Variants in MMP28 observed in about 807,000 individuals in gnomAD.
The protein encoded by MMP28 is matrix metalloproteinase-28.
A neutral mutation model predicts 60.5 loss-of-function variants in MMP28; 55 were observed. The observed-to-expected ratio is 0.91, with a 90% confidence interval of 0.73 to 1.14. MMP28 has a LOEUF of 1.14. Among genes scored for constraint, MMP28 ranks in the 50% most tolerant of loss-of-function variants. The pLI, the probability that MMP28 is intolerant of heterozygous loss-of-function variation, is 0.00. For missense variants in MMP28, 686 were observed against 738.3 expected, an observed-to-expected ratio of 0.93 and a Z score of 0.82; for synonymous variants, 318 against 312.5, an observed-to-expected ratio of 1.02 and a Z score of -0.18.
intron 2 of MMP28, 30 bp from the exon 3 acceptor site, chr17:35,779,105 G>T: frequency 6.2e-7 from 1 of 1,607,146 alleles, no homozygotes; most frequent in Non-Finnish European, 8.5e-7. Flanking sequence ...GCAAGGGGAG[G>T]GTGAGTGGTA....
At chr17:35,757,015 T>G (rs1555600614) in intron 2 of MMP28, among the ~76,000 whole-genome samples, 1 of 151,718 alleles carries the variant, frequency 6.6e-6, no homozygotes, top group African/African-American at 2.4e-5. Flanking sequence ...CTGGGCAACA[T>G]GGTGAAATCC....
At chr17:35,761,082 T>A, downstream of MMP28, 2 of 909,384 alleles carry the variant, frequency 2.2e-6, no homozygotes, top group Non-Finnish European at 3.2e-6. Flanking sequence ...GCAAGCCCTC[T>A]CCTTTCGCCT....
At chr17:35,773,653 G>A (rs911838451) in intron 3 of MMP28, among the ~76,000 whole-genome samples, 4 of 152,222 alleles carry the variant, frequency 2.6e-5, no homozygotes, top group African/African-American at 9.6e-5. Flanking sequence ...GGACTGTGGA[G>A]GTCCCAGTGT....
At chr17:35,775,431 C>G (rs937458456) in intron 3 of MMP28, among the ~76,000 whole-genome samples, 3 of 152,168 alleles carry the variant, frequency 2.0e-5, no homozygotes, top group African/African-American at 7.2e-5. Context: ...TCCCTGACAC[C>G]CTTGCTCCAA....
downstream of MMP28, chr17:35,764,823 A>C (rs587705876): frequency 1.9e-4 from 104 of 537,958 alleles, no homozygotes; most frequent in African/African-American, 1.8e-3. Context: ...CCCAGTGCAG[A>C]GCCCAGCATA....
chr17:35,764,208 C>A (rs1555602178), downstream of MMP28: 1 of 1,547,460 alleles, frequency 6.5e-7, no homozygotes, highest in Non-Finnish European at 8.7e-7. Flanking sequence ...TCCTACTGCC[C>A]GCTGCGCCAG....
At position 35,795,405 on chromosome 17, in the gene MMP28, G is replaced by A. The variant is rs989559795; in HGVS notation, c.-28C>T. The A allele has an allele frequency of 4.5e-5, 62 of 1,383,060 alleles. No individual in the cohort carries two copies. Among genetic ancestry groups the A allele is most frequent in the Middle Eastern group, 2.5e-4 (1 of 4,006 alleles). The allele number at this position is 1,383,060 out of a possible 1,614,324, so 85.7% of individuals were successfully genotyped here. ...CGCCGCCTCCGGTGCAGCCCGGCTC[G>A]GGGAGCTACTGCGCGCAGGGAACCA... On this transcript the variant is annotated 5_prime_UTR_variant, in exon 1 of 8. Coordinates refer to ENST00000605424, the MANE Select transcript of MMP28 (RefSeq NM_024302.5).
chr17:35,772,994 A>T (rs1431053606), intron 4 of MMP28, among the ~76,000 whole-genome samples, 186 bp downstream of exon 4: 2 of 152,254 alleles, frequency 1.3e-5, no homozygotes, highest in African/African-American at 4.8e-5. Flanking sequence ...CCCTTCAGAC[A>T]TGTGACACAT....
At chr17:35,773,042 G>A (rs1285434441) in intron 4 of MMP28, 138 bp downstream of exon 4, 1 of 696,204 alleles carries the variant, frequency 1.4e-6, no homozygotes, top group Non-Finnish European at 2.4e-6. Flanking sequence ...TTAGGATGAG[G>A]AGACTGAGGG....
At chr17:35,765,361 C>T (rs1304947469), downstream of MMP28, among the ~76,000 whole-genome samples, 1 of 152,150 alleles carries the variant, frequency 6.6e-6, no homozygotes, top group Non-Finnish European at 1.5e-5. Flanking sequence ...ATATGAGGCA[C>T]TAGCAGGTGT....
chr17:35,773,498 C>A lies in MMP28; in HGVS notation c.380-94G>T. The A allele has an allele frequency of 2.7e-6, 3 of 1,093,404 alleles. 1 individual carries two copies. Among genetic ancestry groups the A allele is most frequent in the South Asian group, 3.1e-5 (2 of 64,072 alleles). The allele number at this position is 1,093,404 out of a possible 1,614,324, so 67.7% of individuals were successfully genotyped here. ...TAGGATGGCGAGGGGTAGGCCCTCC[C>A]CCAGCAGCCCCTCGTCTGACGGGGA... On this transcript the variant is annotated intron_variant, in intron 3 of 7. Transcript: ENST00000605424.
Position 35,766,603 on chromosome 17 carries a change from C to G in MMP28, c.1460G>C (p.Arg487Pro). 1.2e-6 allele frequency: 2 copies of G among 1,612,592 alleles called. No individual in the cohort carries two copies. Among genetic ancestry groups the G allele is most frequent in the Non-Finnish European group, 1.7e-6 (2 of 1,179,752 alleles). The change falls in exon 8 of 8, where the codon CGC becomes CCC. Residue 487 changes from arginine (R) to proline (P), a missense_variant. By Grantham distance (103) the Arg-to-Pro change is moderately radical. Coordinates refer to ENST00000605424, the MANE Select transcript of MMP28 (RefSeq NM_024302.5). This position sits in a 1 kb window ranked among gnomAD's most constrained non-coding sequence, Gnocchi z 4.3. ...TGCCTGCAGTTTGGCCTGGTCGAGG[C>G]GCCAGTAGCGGTCATCTCGGAAGAA... ...IIFFRDDRYW[R>P]LDQAKLQATT...
Position 35,759,361 on chromosome 17 carries a change from T to A in MMP28, c.266-2942A>T, listed in dbSNP as rs1349657394. ...AATCTTGGAAAATAGACGTAGTGCCTCCTTTCTGAGCAAACAGCAGGTTTG... is the reference window on the plus strand; with the variant it reads ...AATCTTGGAAAATAGACGTAGTGCCACCTTTCTGAGCAAACAGCAGGTTTG... On this transcript the variant is annotated intron_variant, in intron 2 of 2. Coordinates refer to the MMP28 transcript ENST00000615317. Among the ~76,000 whole-genome samples, 3 of 152,166 alleles carry A rather than the reference T, an allele frequency of 2.0e-5. No individual in the cohort carries two copies. In the East Asian group the frequency reaches 5.8e-4, roughly 29 times the overall value.
chr17:35,782,855 C>T (rs2086545499), intron 1 of MMP28, among the ~76,000 whole-genome samples: 1 of 151,844 alleles, frequency 6.6e-6, no homozygotes, highest in Non-Finnish European at 1.5e-5. Flanking sequence ...GAGACGGAGT[C>T]TCGCTCTGTC....
At position 35,778,957 on chromosome 17, in the gene MMP28, C is replaced by T. The variant is rs1555608369; in HGVS notation, c.310G>A (p.Glu104Lys). The change falls in exon 3 of 8, where the codon GAG becomes AAG. Residue 104 changes from glutamate to lysine, a missense_variant. Glu to Lys is a moderately conservative substitution (Grantham distance 56, BLOSUM62 1). Transcript: ENST00000605424. ...CTAGCAAACAAGTCACTGATCCTCT[C>T]AGCCCAGGCCGCATAACTGTTGGTA... The part of the protein sequence containing the change: ...TDTNSYAAWA[E>K]RISDLFARHR... The T allele has an allele frequency of 1.9e-6, 3 of 1,613,964 alleles. No individual in the cohort carries two copies. In the African/African-American group the frequency reaches 4.0e-5, roughly 22 times the overall value.
Position 35,770,250 on chromosome 17 carries a change from G to A in MMP28, c.667C>T (p.Arg223Cys). The A allele has an allele frequency of 1.3e-6, 2 of 1,585,986 alleles. No homozygotes were observed. The highest frequency in any genetic ancestry group is 1.7e-6 in the Non-Finnish European group (2 of 1,172,890). Residue 223 changes from arginine (R) to cysteine (C), a missense_variant, in exon 5 of 8, where the codon CGC becomes TGC. Arg to Cys is a radical substitution (Grantham distance 180). Coordinates refer to ENST00000605424, the MANE Select transcript of MMP28 (RefSeq NM_024302.5). The stretch of plus-strand genomic sequence containing the variant: ...CCGCGGCGGCGGCTCAGGGACCAGC[G>A]CTCATCTTGGTCGAAGTGCGCTTCG... ...RGEAHFDQDERWSLSRRRGRN... is the reference protein window; with the variant it reads ...RGEAHFDQDECWSLSRRRGRN...
chr17:35,775,682 G>T (rs1273871997), intron 3 of MMP28, among the ~76,000 whole-genome samples: 1 of 152,190 alleles, frequency 6.6e-6, no homozygotes, highest in Non-Finnish European at 1.5e-5. Flanking sequence ...TAAGATGTGA[G>T]GCTTAAATGA....
chr17:35,791,727 C>G (rs1003114133), intron 1 of MMP28, among the ~76,000 whole-genome samples: 4 of 152,086 alleles, frequency 2.6e-5, no homozygotes, highest in Non-Finnish European at 5.9e-5. Context: ...TTTTGGCTGG[C>G]CCAGACTGCC....
At chr17:35,780,164 G>A (rs1555609013) in intron 1 of MMP28, among the ~76,000 whole-genome samples, 1 of 152,108 alleles carries the variant, frequency 6.6e-6, no homozygotes, top group African/African-American at 2.4e-5. Flanking sequence ...CGCCTCCTGG[G>A]TTCAAGCAAT....
Sources: allele counts gnomAD v4.1 joint callset (sites outside exome capture counted in the v4.1 genomes callset), GRCh38; gene constraint gnomAD v4.1.1; non-coding constraint Gnocchi (gnomAD v3.1); transcripts MANE v1.5; gene names NCBI Gene and HGNC (gene_info 2026-07-23, HGNC 2026-07-21).